The following LOC112694756 variants were observed in gnomAD, a reference collection of about 807,000 sequenced individuals.
chr16:30,059,309 A>T, the LOC112694756 span, among the ~76,000 whole-genome samples: 1 of 151,872 alleles, frequency 6.6e-6, no homozygotes, highest in South Asian at 2.1e-4. Flanking sequence ...CATCCTGGCT[A>T]ACACGGTAAA....
At chr16:30,070,280 C>G in the LOC112694756 span, 5 of 1,489,948 alleles carry the variant, frequency 3.4e-6, no homozygotes, top group Non-Finnish European at 4.7e-6. Flanking sequence ...AAGAGGAGGC[C>G]GCCTCCTCGG....
chr16:30,067,165 G>GC, the LOC112694756 span: 3 of 1,604,842 alleles, frequency 1.9e-6, no homozygotes, highest in Non-Finnish European at 2.5e-6. Context: ...CAGGAGAGGG[G>GC]CCCTGGTCAT....
At chr16:30,062,500 C>T in the LOC112694756 span, among the ~76,000 whole-genome samples, 1 of 148,438 alleles carries the variant, frequency 6.7e-6, no homozygotes, top group Non-Finnish European at 1.5e-5. Flanking sequence ...CCATGGCACT[C>T]CAGCCTGGCA....
chr16:30,062,821 C>G, the LOC112694756 span, among the ~76,000 whole-genome samples: 463 of 144,912 alleles, frequency 3.2e-3, 3 homozygotes, highest in Non-Finnish European at 4.8e-3. Flanking sequence ...GCCTGGGCAA[C>G]AGGAGTGAAA....
At chr16:30,059,522 ATATC>A in the LOC112694756 span, among the ~76,000 whole-genome samples, 1 of 150,168 alleles carries the variant, frequency 6.7e-6, no homozygotes, top group Non-Finnish European at 1.5e-5. Flanking sequence ...AATAATAATA[ATATC>A]TCTCTTTCTT....
chr16:30,067,102 C>T, the LOC112694756 span: 1 of 1,569,494 alleles, frequency 6.4e-7, no homozygotes, highest in Non-Finnish European at 8.6e-7. Context: ...CAGAAGTGCC[C>T]CAGGGCCTGC....
the LOC112694756 span, chr16:30,066,983 G>T: frequency 9.0e-6 from 14 of 1,558,400 alleles, no homozygotes; most frequent in Non-Finnish European, 1.2e-5. Flanking sequence ...CCAGTTGCCA[G>T]TGGGCAACTC....
At chr16:30,068,964 A>C in the LOC112694756 span, 1 of 1,614,246 alleles carries the variant, frequency 6.2e-7, no homozygotes, top group Non-Finnish European at 8.5e-7. Flanking sequence ...CCGTTATGCC[A>C]GTATCTGCCA....
chr16:30,058,723 C>T, the LOC112694756 span, among the ~76,000 whole-genome samples: 1 of 151,862 alleles, frequency 6.6e-6, no homozygotes. Context: ...ACCTCGTGAT[C>T]CGCCCGCCTT....
At chr16:30,056,091 A>C in the LOC112694756 span, among the ~76,000 whole-genome samples, 106 of 142,848 alleles carry the variant, frequency 7.4e-4, no homozygotes, top group African/African-American at 2.7e-3. Context: ...GTGAGCCACC[A>C]TGGCCCAGCC....
At chr16:30,067,700 A>G in the LOC112694756 span, 3 of 1,611,454 alleles carry the variant, frequency 1.9e-6, no homozygotes. Context: ...TTGAGATGGA[A>G]GTGGAGGAAG....
chr16:30,059,888 A>G, the LOC112694756 span, among the ~76,000 whole-genome samples: 1 of 152,030 alleles, frequency 6.6e-6, no homozygotes, highest in African/African-American at 2.4e-5. Context: ...TCTTTCGTCC[A>G]GCACTCATTA....
the LOC112694756 span, chr16:30,067,514 C>T: frequency 6.2e-7 from 1 of 1,613,798 alleles, no homozygotes. Flanking sequence ...GGCGCTTCTA[C>T]CGCCAGCTGC....
At chr16:30,069,030 G>A in the LOC112694756 span, 1 of 1,612,782 alleles carries the variant, frequency 6.2e-7, no homozygotes, top group South Asian at 1.1e-5. Flanking sequence ...TGGTTCCAGT[G>A]TTGTTAATTT....
chr16:30,058,928 C>G, the LOC112694756 span: 1 of 398,378 alleles, frequency 2.5e-6, no homozygotes. Flanking sequence ...GGAGAAGGTC[C>G]CCAGCCTCGC....
At chr16:30,055,284 C>T in the LOC112694756 span, 4 of 399,204 alleles carry the variant, frequency 1.0e-5, no homozygotes, top group East Asian at 3.6e-5. Flanking sequence ...CTGCCTAGCC[C>T]GGCCCACTTC....
At chr16:30,060,099 C>T in the LOC112694756 span, among the ~76,000 whole-genome samples, 1 of 152,070 alleles carries the variant, frequency 6.6e-6, no homozygotes, top group Non-Finnish European at 1.5e-5. Context: ...CCACCTCAGC[C>T]TCCCAAGTAG....
chr16:30,063,588 C>T, the LOC112694756 span: 1 of 397,720 alleles, frequency 2.5e-6, no homozygotes, highest in Non-Finnish European at 4.4e-6. Flanking sequence ...GGGAATTGCA[C>T]TGTTCCTGGG....
chr16:30,055,186 C>G, the LOC112694756 span: 5 of 399,280 alleles, frequency 1.3e-5, no homozygotes, highest in African/African-American at 2.1e-5. Flanking sequence ...AGGGCTGCTG[C>G]GCGGACGGTA....
Sources: gnomAD v4.1 joint callset for allele counts (sites outside exome capture counted in the v4.1 genomes callset) on GRCh38, gnomAD v4.1.1 for gene constraint, MANE v1.5 for transcripts.